CLOCK: variants seen among roughly 807,000 people sequenced by gnomAD.
The protein encoded by CLOCK is clock circadian regulator, also known as circadian locomoter output cycles protein kaput.
Under a neutral mutation model 118.4 loss-of-function variants are expected in CLOCK, and 43 were observed. The observed-to-expected ratio is 0.36, with a 90% CI of 0.28 to 0.47. The LOEUF is 0.47. Among genes scored for constraint, CLOCK ranks in the 20% least tolerant of loss-of-function variants. CLOCK has a pLI of 1.00. For missense variants in CLOCK, 846 were observed against 999.9 expected (o/e 0.85, Z 2.08); for synonymous variants, 326 against 339.2 (o/e 0.96, Z 0.43).
intron 3 of CLOCK, among the ~76,000 whole-genome samples, chr4:55,488,480 TC>T (rs1727455672): frequency 6.6e-6 from 1 of 152,196 alleles, no homozygotes; most frequent in African/African-American, 2.4e-5. Context: ...TAAATTTGCT[TC>T]TCTCCCAGTT....
chr4:55,501,419 T>C (rs1193808692), intron 2 of CLOCK, among the ~76,000 whole-genome samples: 1 of 152,194 alleles, frequency 6.6e-6, no homozygotes, highest in Non-Finnish European at 1.5e-5. Flanking sequence ...TATTAAAATT[T>C]CTGTCTTTTT....
intron 1 of CLOCK, among the ~76,000 whole-genome samples, chr4:55,538,196 G>C (rs983015723): frequency 2.6e-5 from 4 of 152,120 alleles, no homozygotes; most frequent in Admixed American, 2.6e-4. Flanking sequence ...TGCAATAAAT[G>C]CAACAAGTTA....
chr4:55,476,280 G>A (rs1047395894), intron 6 of CLOCK, among the ~76,000 whole-genome samples: 4 of 152,038 alleles, frequency 2.6e-5, no homozygotes, highest in Admixed American at 2.6e-4. Flanking sequence ...CAGTCTCTTC[G>A]GTTTTTCTCT....
At chr4:55,478,254 T>C (rs984270317) in intron 6 of CLOCK, among the ~76,000 whole-genome samples, 1 of 152,154 alleles carries the variant, frequency 6.6e-6, no homozygotes, top group African/African-American at 2.4e-5. Context: ...CTTTATTTTA[T>C]AGTGTTGATT....
intron 22 of CLOCK, 146 bp from the exon 23 acceptor site, chr4:55,435,740 T>C (rs1312562844): frequency 2.4e-6 from 2 of 849,066 alleles, no homozygotes; most frequent in Non-Finnish European, 3.8e-6. Flanking sequence ...GTTTAAAAAT[T>C]CTAATTTGGA....
chr4:55,546,811 T>C lies in CLOCK; in HGVS notation c.-319A>G, dbSNP rs1731670966. 1 of 152,094 alleles carries C rather than the reference T, an allele frequency of 6.6e-6. No individual in the cohort carries two copies. Among genetic ancestry groups the C allele is most frequent in the African/African-American group, 2.4e-5 (1 of 41,390 alleles). The allele number at this position is 152,094 out of a possible 1,614,324, so 9.4% of individuals were successfully genotyped here. A position where few individuals can be genotyped will look rare whatever the true frequency, so the allele number is the denominator to read the frequency against. ...AGCGCTCGCGGCGGCGGCGGCCAGA[T>C]TTCCTTCGCGCTCTCGCTCTCCGGG... On this transcript the variant is annotated 5_prime_UTR_variant, in exon 1 of 23. Coordinates refer to ENST00000513440, the MANE Select transcript of CLOCK (RefSeq NM_004898.4).
intron 1 of CLOCK, among the ~76,000 whole-genome samples, chr4:55,546,088 CCGGCGCCCCATTGGGCGCT>C (rs1731601029): frequency 6.6e-6 from 1 of 152,198 alleles, no homozygotes; most frequent in South Asian, 2.1e-4. Flanking sequence ...GCTGGCCGCC[CCGGCGCCCCATTGGGCGCT>C]GCTCCAAACG....
At chr4:55,444,542 T>G in intron 19 of CLOCK, 91 bp downstream of exon 19, 1 of 1,458,108 alleles carries the variant, frequency 6.9e-7, no homozygotes, top group Admixed American at 1.7e-5. Flanking sequence ...ACGTATCTCT[T>G]GCATCTCACT....
chr4:55,496,709 CT>C (rs1487883406), intron 2 of CLOCK, among the ~76,000 whole-genome samples: 1 of 152,128 alleles, frequency 6.6e-6, no homozygotes, highest in Non-Finnish European at 1.5e-5. Flanking sequence ...ACCAATTTTC[CT>C]TTCTAGCTTT....
chr4:55,493,187 CAG>C (rs752100456), intron 2 of CLOCK, among the ~76,000 whole-genome samples: 3 of 152,004 alleles, frequency 2.0e-5, no homozygotes, highest in African/African-American at 4.8e-5. Flanking sequence ...AAAAACTTAA[CAG>C]AGACTATTTT....
At chr4:55,442,660 G>A in intron 20 of CLOCK, 26 bp from the exon 21 acceptor site, 2 of 1,566,708 alleles carry the variant, frequency 1.3e-6, no homozygotes, top group South Asian at 1.1e-5. Flanking sequence ...AGATTTTATA[G>A]ACAGATTAAC....
At chr4:55,465,964 C>CAATA (rs10675733) in intron 8 of CLOCK, among the ~76,000 whole-genome samples, 108,096 of 151,434 alleles carry the variant, frequency 0.71, 39,090 homozygotes, top group African/African-American at 0.82. Flanking sequence ...AAAATAATAA[C>CAATA]AATAAATAGG....
chr4:55,491,910 A>G (rs1342905778), intron 2 of CLOCK, among the ~76,000 whole-genome samples: 1 of 152,192 alleles, frequency 6.6e-6, no homozygotes, highest in Admixed American at 6.5e-5. Context: ...TATTGAATCA[A>G]AAACTTCCCA....
chr4:55,442,300 A>G, intron 21 of CLOCK, 132 bp downstream of exon 21: 2 of 798,022 alleles, frequency 2.5e-6, no homozygotes, highest in Non-Finnish European at 2.0e-6. Context: ...TTTTATTTCA[A>G]ATTTAAGAAC....
At chr4:55,474,859 A>G (rs569254798) in intron 7 of CLOCK, among the ~76,000 whole-genome samples, 2 of 152,356 alleles carry the variant, frequency 1.3e-5, no homozygotes, top group South Asian at 2.1e-4. Flanking sequence ...GCTCGCTGAC[A>G]ATGTACTTGG....
intron 1 of CLOCK, chr4:55,545,379 G>T (rs1357946599): frequency 6.6e-6 from 1 of 152,176 alleles, no homozygotes; most frequent in Non-Finnish European, 1.5e-5. Flanking sequence ...CAAACAGGTA[G>T]AGGGGAATAT....
chr4:55,536,312 T>C (rs1397429322), intron 1 of CLOCK, among the ~76,000 whole-genome samples: 7 of 152,188 alleles, frequency 4.6e-5, no homozygotes, highest in Non-Finnish European at 1.0e-4. Context: ...TTTAAGATGA[T>C]GGGCTCCTGA....
intron 8 of CLOCK, 146 bp from the exon 9 acceptor site, chr4:55,463,951 A>G (rs1347771299): frequency 2.5e-6 from 2 of 793,128 alleles, no homozygotes; most frequent in Admixed American, 2.9e-5. Flanking sequence ...CCAAATCTCA[A>G]AAAATAAGAT....
Position 55,528,631 on chromosome 4 carries a change from A to G in CLOCK, c.-290+18151T>C, listed in dbSNP as rs528874349. ...ACAGAAAGCAGACCCAAGTGTGTTA[A>G]GTTTAAACAGAACTAAGCGAAGCAC... On this transcript the variant is annotated intron_variant, in intron 1 of 22. Transcript: ENST00000513440. Among the ~76,000 whole-genome samples the G allele has an allele frequency of 7.2e-5, 11 of 152,316 alleles. No homozygotes were observed. The South Asian group carries it at 2.3e-3, about 32-fold the overall frequency.
Sources: gnomAD v4.1 joint callset for allele counts (sites outside exome capture counted in the v4.1 genomes callset) on GRCh38, gnomAD v4.1.1 for gene constraint, MANE v1.5 for transcripts, NCBI Gene and HGNC (gene_info 2026-07-23, HGNC 2026-07-21) for gene names.